The following SRFBP1 variants were observed in gnomAD, a reference collection of about 807,000 sequenced individuals.
SRFBP1 encodes the protein serum response factor binding protein 1.
A neutral mutation model predicts 45.5 loss-of-function variants in SRFBP1; 47 were observed. That is an observed-to-expected ratio of 1.03 (90% CI 0.82 to 1.32). The LOEUF (loss-of-function observed/expected upper bound fraction) is 1.32, where lower values mean the gene tolerates loss of function less well. Among genes scored for constraint, SRFBP1 ranks in the 40% most tolerant of loss-of-function variants. SRFBP1 has a pLI of 0.00. For synonymous variants in SRFBP1, 203 were observed against 166.3 expected, an observed-to-expected ratio of 1.22 and a Z score of -1.70; for missense variants, 621 against 484.6, an observed-to-expected ratio of 1.28 and a Z score of -2.64.
chr5:122,074,652 CATT>C (rs1320937710), intron 2 of SRFBP1, among the ~76,000 whole-genome samples: 1 of 152,160 alleles, frequency 6.6e-6, no homozygotes, highest in East Asian at 1.9e-4. Context: ...TTTTATCCAC[CATT>C]ATTATTTAAA....
intron 2 of SRFBP1, among the ~76,000 whole-genome samples, chr5:122,068,236 T>C (rs930279386): frequency 1.3e-5 from 2 of 151,178 alleles, no homozygotes; most frequent in Admixed American, 1.3e-4. Flanking sequence ...GAATCCCTCT[T>C]GTACAGTCAT....
At chr5:121,974,964 T>C (rs1021908501) in intron 2 of SRFBP1, among the ~76,000 whole-genome samples, 6 of 151,934 alleles carry the variant, frequency 3.9e-5, no homozygotes, top group African/African-American at 1.2e-4. Context: ...AAAATTATAG[T>C]CAAACTCTAA....
chr5:122,043,925 A>C (rs974078671), intron 2 of SRFBP1, among the ~76,000 whole-genome samples: 2 of 152,078 alleles, frequency 1.3e-5, no homozygotes, highest in African/African-American at 4.8e-5. Context: ...TTGTCACAGG[A>C]GGTTGGTGTA....
intron 2 of SRFBP1, among the ~76,000 whole-genome samples, chr5:122,034,508 A>G (rs1313304243): frequency 6.6e-6 from 1 of 151,572 alleles, no homozygotes; most frequent in Admixed American, 6.6e-5. Context: ...TAACTTTCAC[A>G]TGTTGCTTAA....
chr5:122,024,684 C>T (rs1753439378), intron 7 of SRFBP1, among the ~76,000 whole-genome samples: 1 of 152,162 alleles, frequency 6.6e-6, no homozygotes. Flanking sequence ...GAAGATAATA[C>T]AGGATTTGGC....
chr5:121,966,257 G>T (rs955530453), intron 1 of SRFBP1, among the ~76,000 whole-genome samples: 5 of 152,106 alleles, frequency 3.3e-5, no homozygotes, highest in Non-Finnish European at 7.4e-5. Context: ...AAAGTTTGTT[G>T]TTATTCTTGC....
At chr5:122,012,962 T>G (rs990156088) in intron 4 of SRFBP1, among the ~76,000 whole-genome samples, 1 of 152,136 alleles carries the variant, frequency 6.6e-6, no homozygotes, top group Non-Finnish European at 1.5e-5. Context: ...GCATTTCAAC[T>G]AGTGTTGCCT....
intron 4 of SRFBP1, 103 bp from the exon 5 acceptor site, chr5:122,019,157 C>T: frequency 1.0e-6 from 1 of 959,422 alleles, no homozygotes; most frequent in Non-Finnish European, 1.6e-6. Context: ...GTTCTATTCT[C>T]CAACTCTAAT....
intron 3 of SRFBP1, among the ~76,000 whole-genome samples, chr5:121,977,608 A>T (rs1752329254): frequency 6.6e-6 from 1 of 152,104 alleles, no homozygotes; most frequent in South Asian, 2.1e-4. Flanking sequence ...ACAAACTCTC[A>T]ATCTCAATTA....
At position 122,070,160 on chromosome 5, in the gene SRFBP1, T is replaced by TA; in HGVS notation, n.312-5154dup. On this transcript the variant is annotated intron_variant and non_coding_transcript_variant, in intron 2 of 2. Transcript: ENST00000504881. ...ATTCAGGAACCAGGTAGCTGGGGTT[T>TA]ACACTGACCTGGGCAACACAAAGAG... The TA allele has an allele frequency of 1.3e-6, 2 of 1,586,538 alleles. No individual in the cohort carries two copies. The highest frequency in any genetic ancestry group is 1.7e-6 in the Non-Finnish European group (2 of 1,155,112).
At chr5:121,992,324 T>C (rs1358716062) in intron 3 of SRFBP1, among the ~76,000 whole-genome samples, 1 of 152,070 alleles carries the variant, frequency 6.6e-6, no homozygotes, top group Non-Finnish European at 1.5e-5. Context: ...GCATCTTCTC[T>C]TCCCTCTTTC....
chr5:121,964,472 C>T (rs1396642294), intron 1 of SRFBP1, among the ~76,000 whole-genome samples: 1 of 152,132 alleles, frequency 6.6e-6, no homozygotes, highest in Non-Finnish European at 1.5e-5. Context: ...TGTTGCTTTG[C>T]AGAGAATGAT....
At chr5:122,077,320 G>A (rs1754666958), downstream of SRFBP1, 1 of 1,612,972 alleles carries the variant, frequency 6.2e-7, no homozygotes, top group Non-Finnish European at 8.5e-7. The surrounding 1 kb of genome is among the most constrained non-coding windows in gnomAD (Gnocchi z 4.9). Flanking sequence ...GGGACCAGGT[G>A]CACGGGTGCT....
At chr5:122,043,695 G>A (rs763239763) in intron 2 of SRFBP1, among the ~76,000 whole-genome samples, 1 of 151,912 alleles carries the variant, frequency 6.6e-6, no homozygotes, top group Non-Finnish European at 1.5e-5. Context: ...ATACTCCACG[G>A]CTTTAGAATA....
chr5:122,078,836 A>T (rs1754718112), downstream of SRFBP1, among the ~76,000 whole-genome samples: 1 of 152,250 alleles, frequency 6.6e-6, no homozygotes, highest in African/African-American at 2.4e-5. Context: ...TTACAAATTT[A>T]TTTCCTACAG....
At chr5:122,047,573 A>G (rs1210342494) in intron 2 of SRFBP1, among the ~76,000 whole-genome samples, 1 of 152,056 alleles carries the variant, frequency 6.6e-6, no homozygotes, top group East Asian at 1.9e-4. Flanking sequence ...GTTTTTTCCA[A>G]TTCTGTGAAG....
chr5:122,005,293 C>T (rs1752952421), intron 4 of SRFBP1, among the ~76,000 whole-genome samples: 1 of 152,090 alleles, frequency 6.6e-6, no homozygotes, highest in Admixed American at 6.6e-5. Flanking sequence ...TCCTTCAGCT[C>T]CGTTAACATT....
At chr5:121,983,043 T>C (rs1380562583) in intron 3 of SRFBP1, among the ~76,000 whole-genome samples, 2 of 151,674 alleles carry the variant, frequency 1.3e-5, no homozygotes, top group East Asian at 3.9e-4. Context: ...GAGTTAAATA[T>C]TACAACATAT....
intron 1 of SRFBP1, among the ~76,000 whole-genome samples, chr5:121,973,653 G>A (rs1179666027): frequency 6.6e-6 from 1 of 151,302 alleles, no homozygotes. Context: ...ACATATGCTT[G>A]CACACAATGC....
Sources: allele counts gnomAD v4.1 joint callset (sites outside exome capture counted in the v4.1 genomes callset), GRCh38; gene constraint gnomAD v4.1.1; non-coding constraint Gnocchi (gnomAD v3.1); transcripts MANE v1.5; gene names NCBI Gene and HGNC (gene_info 2026-07-23, HGNC 2026-07-21).